Variants in CUX1 observed in about 807,000 individuals in gnomAD.
The protein encoded by CUX1 is cut like homeobox 1.
A neutral mutation model predicts 158.8 loss-of-function variants in CUX1; 31 were observed. That is an observed-to-expected ratio of 0.20 (90% CI 0.15 to 0.26). The LOEUF (loss-of-function observed/expected upper bound fraction) is 0.26, where lower values mean the gene tolerates loss of function less well. Among genes scored for constraint, CUX1 ranks in the 10% least tolerant of loss-of-function variants. CUX1 has a pLI of 1.00. For synonymous variants in CUX1, 879 were observed against 862.1 expected, an observed-to-expected ratio of 1.02 and a Z score of -0.34; for missense variants, 1,589 against 2,014.6, an observed-to-expected ratio of 0.79 and a Z score of 4.04.
intron 2 of CUX1, among the ~76,000 whole-genome samples, chr7:101,927,691 T>C (rs1805755523): frequency 6.6e-6 from 1 of 152,186 alleles, no homozygotes; most frequent in African/African-American, 2.4e-5. Flanking sequence ...GTCAATGAAT[T>C]GTGGAGTTTC....
At chr7:102,264,980 C>A (rs1212580506) in intron 14 of CUX1, 3 of 152,210 alleles carry the variant, frequency 2.0e-5, no homozygotes, top group African/African-American at 7.2e-5. Flanking sequence ...GGTGCCTAGA[C>A]CACAGACAGC....
intron 1 of CUX1, among the ~76,000 whole-genome samples, chr7:101,854,021 G>A (rs1188055261): frequency 3.3e-5 from 5 of 152,128 alleles, no homozygotes; most frequent in African/African-American, 1.2e-4. Context: ...AGGCGGCTTC[G>A]GCTTTCCAGT....
intron 1 of CUX1, among the ~76,000 whole-genome samples, chr7:101,861,407 G>A (rs1347582980): frequency 6.6e-6 from 1 of 152,210 alleles, no homozygotes. Context: ...AGTAACAGGT[G>A]CAAATTTGCA....
chr7:102,083,207 A>G (rs893023401), intron 4 of CUX1, among the ~76,000 whole-genome samples: 5 of 147,402 alleles, frequency 3.4e-5, no homozygotes, highest in Non-Finnish European at 6.1e-5. Flanking sequence ...GTATTTCACA[A>G]CGATTTTAGT....
intron 2 of CUX1, among the ~76,000 whole-genome samples, chr7:101,958,820 T>C (rs141257047): frequency 6.6e-6 from 1 of 150,830 alleles, no homozygotes; most frequent in Non-Finnish European, 1.5e-5. Context: ...GAGAATTCCT[T>C]TTCTGTCATA....
At chr7:102,160,620 G>T (rs1790329951) in intron 9 of CUX1, among the ~76,000 whole-genome samples, 1 of 151,850 alleles carries the variant, frequency 6.6e-6, no homozygotes, top group Non-Finnish European at 1.5e-5. Flanking sequence ...AAATTTCTTG[G>T]TCATAAAAAA....
chr7:102,117,716 G>A (rs1345256574), intron 8 of CUX1, among the ~76,000 whole-genome samples: 2 of 152,208 alleles, frequency 1.3e-5, no homozygotes, highest in Non-Finnish European at 2.9e-5. Context: ...CCTTCCTAAA[G>A]AGGGTGGTAT....
intron 2 of CUX1, among the ~76,000 whole-genome samples, chr7:101,922,140 A>G (rs1467495658): frequency 6.6e-6 from 1 of 152,224 alleles, no homozygotes; most frequent in East Asian, 1.9e-4. Context: ...TTGGTTTGTA[A>G]TAACAATTAA....
At chr7:101,861,013 C>A (rs992070287) in intron 1 of CUX1, among the ~76,000 whole-genome samples, 3 of 152,066 alleles carry the variant, frequency 2.0e-5, no homozygotes, top group African/African-American at 7.2e-5. Context: ...CTTGAACTGG[C>A]CTCAAGCGAT....
Position 102,258,115 on chromosome 7 carries a change from C to T in CUX1, c.*9073C>T, listed in dbSNP as rs1302674327. On this transcript the variant is annotated 3_prime_UTR_variant, in exon 24 of 24. Transcript: ENST00000292535. ...TACGATGTTTGTTCTCAGCACTGTA[C>T]AACGGTCCCTATATAATACGGAGAA... 23 of 985,294 alleles carry T rather than the reference C, an allele frequency of 2.3e-5. No homozygotes were observed. Among genetic ancestry groups the T allele is most frequent in the Non-Finnish European group, 2.8e-5 (23 of 829,870 alleles). 61.0% of individuals were successfully genotyped at this position (985,294 alleles called of 1,614,324 possible).
intron 2 of CUX1, among the ~76,000 whole-genome samples, chr7:102,025,643 A>G (rs1198340734): frequency 3.3e-5 from 5 of 151,892 alleles, no homozygotes; most frequent in Admixed American, 2.6e-4. Flanking sequence ...GGAAAAAAAA[A>G]AGATTGGTAA....
intron 3 of CUX1, among the ~76,000 whole-genome samples, chr7:102,045,076 C>T (rs1209402006): frequency 2.0e-5 from 3 of 152,132 alleles, no homozygotes; most frequent in African/African-American, 7.2e-5. Context: ...TGGCAAAACC[C>T]GCAAGCCTGA....
intron 9 of CUX1, among the ~76,000 whole-genome samples, chr7:102,162,465 C>T (rs1554507470): frequency 6.6e-6 from 1 of 152,154 alleles, no homozygotes; most frequent in Non-Finnish European, 1.5e-5. Flanking sequence ...GCCACAGCCT[C>T]CCGAGTAGCT....
At chr7:102,014,287 CT>C (rs1324050382) in intron 2 of CUX1, among the ~76,000 whole-genome samples, 1 of 152,172 alleles carries the variant, frequency 6.6e-6, no homozygotes, top group Non-Finnish European at 1.5e-5. Flanking sequence ...ATGGCCACCA[CT>C]CACTCCCACA....
intron 1 of CUX1, among the ~76,000 whole-genome samples, chr7:101,877,339 A>G (rs1799248036): frequency 6.6e-6 from 1 of 152,194 alleles, no homozygotes; most frequent in African/African-American, 2.4e-5. Flanking sequence ...CCTCCTTTGT[A>G]TGCACATAGT....
chr7:101,839,525 A>G (rs996158456), intron 1 of CUX1, among the ~76,000 whole-genome samples: 3 of 152,148 alleles, frequency 2.0e-5, no homozygotes, highest in African/African-American at 7.2e-5. Flanking sequence ...ATTTTTTGCC[A>G]GTGAGATGGT....
At chr7:102,010,409 A>C (rs1239993373) in intron 2 of CUX1, among the ~76,000 whole-genome samples, 2 of 151,868 alleles carry the variant, frequency 1.3e-5, no homozygotes, top group African/African-American at 4.8e-5. Context: ...AAAAAAAAAA[A>C]AAAAAAAACT....
At chr7:101,818,545 A>G (rs1349146007) in intron 1 of CUX1, among the ~76,000 whole-genome samples, 1 of 152,220 alleles carries the variant, frequency 6.6e-6, no homozygotes. Context: ...GGTTCCATCG[A>G]AAGTTTCCAT....
At chr7:101,940,258 A>T (rs1456391241) in intron 2 of CUX1, among the ~76,000 whole-genome samples, 1 of 140,720 alleles carries the variant, frequency 7.1e-6, no homozygotes, top group East Asian at 2.1e-4. Context: ...AAAAAAAAAG[A>T]GGAGGTTTTA....
Sources: allele counts gnomAD v4.1 joint callset (sites outside exome capture counted in the v4.1 genomes callset), GRCh38; gene constraint gnomAD v4.1.1; transcripts MANE v1.5; gene names NCBI Gene and HGNC (gene_info 2026-07-23, HGNC 2026-07-21).